The following PCLAF variants were observed in gnomAD, a reference collection of about 807,000 sequenced individuals.
The protein encoded by PCLAF is PCNA-associated factor.
PCLAF carries 12 observed loss-of-function variants against 15.1 expected under a neutral mutation model. That is an observed-to-expected ratio of 0.79 (90% CI 0.51 to 1.29). The LOEUF (loss-of-function observed/expected upper bound fraction) is 1.29. Ranked by LOEUF, PCLAF falls within the 50% of genes most tolerant of loss-of-function variation. The probability of loss-of-function intolerance (pLI) is 0.00; values close to 1 mark genes in which losing one functional copy is unlikely to be tolerated. For missense variants in PCLAF, 116 were observed against 130.9 expected (o/e 0.89, Z 0.56); for synonymous variants, 33 against 47.1 (o/e 0.70, Z 1.22).
At chr15:64,370,536 T>G (rs2140521020) in intron 3 of PCLAF, among the ~76,000 whole-genome samples, 1 of 151,864 alleles carries the variant, frequency 6.6e-6, no homozygotes, top group East Asian at 1.9e-4. Context: ...CCCAGCTAAT[T>G]TTTGTATTTT....
At chr15:64,374,837 C>G (rs557734981) in intron 3 of PCLAF, among the ~76,000 whole-genome samples, 186 of 142,788 alleles carry the variant, frequency 1.3e-3, no homozygotes, top group African/African-American at 4.6e-3. Flanking sequence ...CAGAGTGAGA[C>G]CCCCATATCA....
In PCLAF at chr15:64,376,731, A is replaced by C; in HGVS notation, c.290+12T>G. 6.2e-7 allele frequency: 1 copy of C among 1,604,650 alleles called. No individual in the cohort carries two copies. Among genetic ancestry groups the C allele is most frequent in the Non-Finnish European group, 8.5e-7 (1 of 1,174,360 alleles). On this transcript the variant is annotated intron_variant, in intron 3 of 3. Coordinates refer to ENST00000300035, the MANE Select transcript of PCLAF (RefSeq NM_014736.6). The stretch of plus-strand genomic sequence containing the variant: ...AAATATTTTCTTTATATTCCAGAAT[A>C]TAAAAACTTACTTTCTCTTTGCTTT...
chr15:64,372,894 G>C (rs1194172582), intron 3 of PCLAF, among the ~76,000 whole-genome samples: 2 of 152,186 alleles, frequency 1.3e-5, no homozygotes. Context: ...TTGAACCCAG[G>C]AGGCGAAGGT....
At chr15:64,385,694 T>G (rs989966266), upstream of PCLAF, among the ~76,000 whole-genome samples, 1 of 152,008 alleles carries the variant, frequency 6.6e-6, no homozygotes, top group African/African-American at 2.4e-5. Flanking sequence ...GCATTGCTTC[T>G]GGGTGCCTTT....
At chr15:64,381,584 C>T, upstream of PCLAF, 4 of 1,384,362 alleles carry the variant, frequency 2.9e-6, no homozygotes, top group Non-Finnish European at 3.8e-6. Flanking sequence ...GGCGAGGCTT[C>T]TTGCAGCGCG....
At chr15:64,384,677 G>A (rs1182792170), upstream of PCLAF, among the ~76,000 whole-genome samples, 1 of 150,976 alleles carries the variant, frequency 6.6e-6, no homozygotes, top group African/African-American at 2.4e-5. Flanking sequence ...GGGAGGTGGA[G>A]GTTGCAGTGA....
intron 3 of PCLAF, chr15:64,373,839 C>G: frequency 1.4e-6 from 2 of 1,405,660 alleles, no homozygotes; most frequent in Non-Finnish European, 1.9e-6. Context: ...ACTCCCTTTC[C>G]TCCTACATCC....
intron 3 of PCLAF, among the ~76,000 whole-genome samples, chr15:64,368,146 A>G (rs1899124398): frequency 1.3e-5 from 2 of 152,002 alleles, no homozygotes; most frequent in Admixed American, 1.3e-4. Context: ...GTTCGAGACC[A>G]GTCTAGCCAA....
intron 3 of PCLAF, among the ~76,000 whole-genome samples, chr15:64,376,343 A>G (rs1182402325): frequency 6.6e-6 from 1 of 152,024 alleles, no homozygotes; most frequent in Admixed American, 6.6e-5. Flanking sequence ...TCAATATCCT[A>G]TTTGTCCTTT....
chr15:64,385,796 A>C (rs886767616), upstream of PCLAF, among the ~76,000 whole-genome samples: 4 of 152,114 alleles, frequency 2.6e-5, no homozygotes, highest in Non-Finnish European at 4.4e-5. Flanking sequence ...CCAATTAACC[A>C]AGGACCCAGA....
chr15:64,370,645 A>C (rs1899253001), intron 3 of PCLAF, among the ~76,000 whole-genome samples: 1 of 151,762 alleles, frequency 6.6e-6, no homozygotes, highest in Non-Finnish European at 1.5e-5. Context: ...TTGGGATTAC[A>C]GGCACAAGCC....
At position 64,365,737 on chromosome 15, in the gene PCLAF, A is replaced by T. The variant is rs1899004889; in HGVS notation, c.*293T>A. 1 of 345,554 alleles carries T rather than the reference A, an allele frequency of 2.9e-6. No homozygotes were observed. The highest frequency in any genetic ancestry group is 5.2e-6 in the Non-Finnish European group (1 of 190,866). 21.4% of individuals were successfully genotyped at this position (345,554 alleles called of 1,614,324 possible). On this transcript the variant is annotated 3_prime_UTR_variant, in exon 4 of 4. Coordinates refer to ENST00000300035, the MANE Select transcript of PCLAF (RefSeq NM_014736.6). ...AATCTAAGCAAATCTCAAATACAAC[A>T]TACTTGTAATTAGAACACAATGCAA...
At chr15:64,378,496 T>C (rs1045934227) in intron 2 of PCLAF, among the ~76,000 whole-genome samples, 3 of 152,130 alleles carry the variant, frequency 2.0e-5, no homozygotes, top group Non-Finnish European at 4.4e-5. Flanking sequence ...GGTCTCAAAC[T>C]CCTGGCTGAG....
chr15:64,367,445 G>A (rs186426375), intron 3 of PCLAF, among the ~76,000 whole-genome samples: 38 of 151,836 alleles, frequency 2.5e-4, no homozygotes, highest in African/African-American at 8.5e-4. Flanking sequence ...AGAGGTTGCC[G>A]TGAGCCAAAA....
chr15:64,384,891 G>A (rs553243973), upstream of PCLAF, among the ~76,000 whole-genome samples: 2 of 152,116 alleles, frequency 1.3e-5, no homozygotes, highest in South Asian at 2.1e-4. Context: ...TATGACTTAT[G>A]AGAAAAGAAT....
intron 3 of PCLAF, among the ~76,000 whole-genome samples, chr15:64,370,910 C>T (rs1596322247): frequency 1.8e-5 from 2 of 109,174 alleles, no homozygotes; most frequent in African/African-American, 7.0e-5. Flanking sequence ...AGACAAATTT[C>T]TGGTCTTCAC....
Position 64,366,425 on chromosome 15 carries a change from T to C in PCLAF, c.291-350A>G, listed in dbSNP as rs563421777. ...CAATATAATCCTTCAGCAAGAACTT[T>C]GTGGTAACAAAAAGTAAAAAAATTA... is the stretch of plus-strand genomic sequence containing the variant. On this transcript the variant is annotated intron_variant, in intron 3 of 3. Coordinates refer to ENST00000300035, the MANE Select transcript of PCLAF (RefSeq NM_014736.6). 1.4e-3 allele frequency among the ~76,000 whole-genome samples: 207 copies of C among 152,316 alleles called. 2 individuals are homozygous for C. The highest frequency in any genetic ancestry group is 1.7e-3 in the South Asian group (8 of 4,828).
rs1021430344 is a variant in PCLAF at position 64,364,655 on chromosome 15, T to C, written c.*1375A>G. 5.3e-5 allele frequency: 8 copies of C among 151,490 alleles called. No individual in the cohort carries two copies. Among genetic ancestry groups the C allele is most frequent in the African/African-American group, 1.9e-4 (8 of 41,376 alleles). The allele number at this position is 151,490 out of a possible 1,614,324, so 9.4% of individuals were successfully genotyped here. A position where few individuals can be genotyped will look rare whatever the true frequency, so the allele number is the denominator to read the frequency against. On this transcript the variant is annotated 3_prime_UTR_variant, in exon 4 of 4. Coordinates refer to ENST00000300035, the MANE Select transcript of PCLAF (RefSeq NM_014736.6). ...CCACCATGCCAGGCTAATTTTTTATTGTTCATATATAAATATATATTTTTT... is the reference window on the plus strand; with the variant it reads ...CCACCATGCCAGGCTAATTTTTTATCGTTCATATATAAATATATATTTTTT...
At chr15:64,374,156 T>C (rs557622816) in intron 3 of PCLAF, among the ~76,000 whole-genome samples, 2 of 152,330 alleles carry the variant, frequency 1.3e-5, no homozygotes, top group South Asian at 4.1e-4. Context: ...ACAGTAAAGA[T>C]TGTACTTTTG....
Sources: allele counts gnomAD v4.1 joint callset (sites outside exome capture counted in the v4.1 genomes callset), GRCh38; gene constraint gnomAD v4.1.1; transcripts MANE v1.5; gene names NCBI Gene and HGNC (gene_info 2026-07-23, HGNC 2026-07-21).